Variants in SNAPC2 observed in about 807,000 individuals in gnomAD.
The protein encoded by SNAPC2 is snRNA-activating protein complex subunit 2.
In SNAPC2, 27 loss-of-function variants were observed where a neutral mutation model predicts 22.9. That is an observed-to-expected ratio of 1.18 (90% confidence interval 0.87 to 1.63). The LOEUF (loss-of-function observed/expected upper bound fraction) is 1.63. Among genes scored for constraint, SNAPC2 ranks in the 40% most tolerant of loss-of-function variants. The pLI is 0.00. For synonymous variants in SNAPC2, 272 were observed against 201.0 expected (o/e 1.35, Z -2.99); for missense variants, 570 against 449.1 (o/e 1.27, Z -2.43).
rs536621421 is a variant in SNAPC2, at chr19:7,922,633, AC to A, written c.881del (p.Pro294GlnfsTer11). 140 of 1,595,880 alleles carry A rather than the reference AC, an allele frequency of 8.8e-5. No individual in the cohort carries two copies. Among genetic ancestry groups the A allele is most frequent in the Non-Finnish European group, 1.1e-4 (132 of 1,172,298 alleles). ...GGCTGGCTCCAAGGCACCAGAGGAG[AC>A]CCCCCCAGCCACCGAGAAGGCCGAG... is the stretch of plus-strand genomic sequence containing the variant. The part of the protein sequence containing the change: ...DGAGSKAPEE[T>X]PPATEKAEHS... On this transcript the variant is annotated frameshift_variant, in exon 5 of 5. Coordinates refer to ENST00000221573, the MANE Select transcript of SNAPC2 (RefSeq NM_003083.4). LOFTEE classifies it low-confidence loss of function (END_TRUNC).
In SNAPC2 at chr19:7,923,123, A is replaced by AG; in HGVS notation, c.*359_*360insG. On this transcript the variant is annotated 3_prime_UTR_variant, in exon 5 of 5. Transcript: ENST00000221573. Reference sequence around the variant, plus strand: ...CCTCGCACATTTTCCCCCTTCCTGTACACCTCGGGGCCAGCATCCTCACCT... The same window carrying AG: ...CCTCGCACATTTTCCCCCTTCCTGTAGCACCTCGGGGCCAGCATCCTCACCT... The AG allele has an allele frequency of 4.1e-6, 1 of 241,464 alleles. No homozygotes were observed. The allele number at this position is 241,464 out of a possible 1,614,324, so 15.0% of individuals were successfully genotyped here.
At position 7,921,435 on chromosome 19, in the gene SNAPC2, C is replaced by T. The variant is rs914077729; in HGVS notation, c.196C>T (p.Leu66Phe). 1 of 1,613,852 alleles carries T rather than the reference C, an allele frequency of 6.2e-7. No individual in the cohort carries two copies. Among genetic ancestry groups the T allele is most frequent in the Non-Finnish European group, 8.5e-7 (1 of 1,179,826 alleles). Residue 66 changes from leucine (L) to phenylalanine (F), a missense_variant, in exon 2 of 5, where the codon CTC becomes TTC. Physicochemically the swap from Leu to Phe is conservative, Grantham distance 22. Coordinates refer to ENST00000221573, the MANE Select transcript of SNAPC2 (RefSeq NM_003083.4). ...CTTTCCTTTCTAGATCCGGGTCTTC[C>T]TCCAGCAGCTCAAGGGCCGCGTAGC... ...GRSEAEIRVFLQQLKGRVARE... is the reference protein window; with the variant it reads ...GRSEAEIRVFFQQLKGRVARE...
Position 7,920,565 on chromosome 19 carries a change from C to T in SNAPC2, c.183+16C>T. On this transcript the variant is annotated intron_variant, in intron 1 of 4. Transcript: ENST00000221573. ...CGAGGCTGAGGTGAGATGCGGTTCT[C>T]GGGACCGGAGCCAGGCTGGAGGCGG... 5.5e-6 allele frequency: 5 copies of T among 912,636 alleles called. No individual in the cohort carries two copies. The highest frequency in any genetic ancestry group is 1.9e-5 in the South Asian group (1 of 53,848). 56.5% of individuals were successfully genotyped at this position (912,636 alleles called of 1,614,324 possible). A position where few individuals can be genotyped will look rare whatever the true frequency, so the allele number is the denominator to read the frequency against.
At chr19:7,922,393 C>T in intron 4 of SNAPC2, 46 bp downstream of exon 4, 3 of 1,593,060 alleles carry the variant, frequency 1.9e-6, no homozygotes, top group Non-Finnish European at 2.6e-6. Flanking sequence ...ATCAAGGGTC[C>T]CTGGCAGCAG....
At chr19:7,921,611 A>T in intron 2 of SNAPC2, 69 bp downstream of exon 2, 1 of 1,603,924 alleles carries the variant, frequency 6.2e-7, no homozygotes, top group South Asian at 1.1e-5. Context: ...GTTGCGGGGG[A>T]TAACCTGATT....
Position 7,920,366 on chromosome 19 carries a change from C to T in SNAPC2, c.-1C>T, listed in dbSNP as rs756216790. 8 of 1,573,484 alleles carry T rather than the reference C, an allele frequency of 5.1e-6. No individual in the cohort carries two copies. In the Admixed American group the frequency reaches 1.0e-4, roughly 21 times the overall value. On this transcript the variant is annotated 5_prime_UTR_variant, in exon 1 of 5. Transcript: ENST00000221573. The stretch of plus-strand genomic sequence containing the variant: ...ACAGCGCCTGCCTCTTTCTGAGCGG[C>T]ATGAAGCCACCTCCCAGGCGGCGAG...
chr19:7,921,851 C>T (rs1384830481), intron 3 of SNAPC2, 78 bp downstream of exon 3: 21 of 1,516,554 alleles, frequency 1.4e-5, no homozygotes, highest in South Asian at 2.3e-5. Context: ...AACCTGGGTC[C>T]TGGGCCCTTT....
intron 1 of SNAPC2, chr19:7,921,004 C>T (rs1239805979): frequency 1.8e-6 from 2 of 1,131,636 alleles, no homozygotes; most frequent in Admixed American, 4.7e-5. Flanking sequence ...CGGGGCGAGC[C>T]TCGGGGTAAT....
rs1176024079 is a variant in SNAPC2 at position 7,922,054 on chromosome 19, C to T, written c.392C>T (p.Thr131Met). The change falls in exon 4 of 5, where the codon ACG (threonine) becomes ATG (methionine). Residue 131 changes from threonine to methionine, a missense_variant. By Grantham distance (81) the Thr-to-Met change is moderately conservative. Transcript: ENST00000221573. ...AFSQVLTIAA[T>M]EPVTLLHSKP... ...TGCCAGGTGCTCACCATCGCGGCCA[C>T]GGAACCGGTCACCCTCCTGCACTCC... 1.1e-5 allele frequency: 18 copies of T among 1,609,104 alleles called. No individual in the cohort carries two copies. Among genetic ancestry groups the T allele is most frequent in the Non-Finnish European group, 1.5e-5 (18 of 1,176,714 alleles).
intron 1 of SNAPC2, 22 bp downstream of exon 1, chr19:7,920,571 C>T (rs1350877182): frequency 1.5e-5 from 11 of 756,566 alleles, no homozygotes; most frequent in African/African-American, 2.2e-5. Context: ...TTCTCGGGAC[C>T]GGAGCCAGGC....
rs944456466 is a variant in SNAPC2, at chr19:7,921,773, G to C, written c.372G>C (p.Gln124His). 5 of 1,612,240 alleles carry C rather than the reference G, an allele frequency of 3.1e-6. No individual in the cohort carries two copies. In the Admixed American group the frequency reaches 6.7e-5, roughly 22 times the overall value. ...LEEALAVAFS[Q>H]VLTIAATEPV... ...AAGCCCTGGCAGTGGCTTTCTCGCA[G>C]GTACCGCCATTCCCCCAGGCAGGTC... is the stretch of plus-strand genomic sequence containing the variant. Residue 124 changes from glutamine (Q) to histidine (H), a missense_variant and splice_region_variant, in exon 3 of 5, where the codon CAG becomes CAC. Gln to His is a conservative substitution (Grantham distance 24, BLOSUM62 0). Coordinates refer to ENST00000221573, the MANE Select transcript of SNAPC2 (RefSeq NM_003083.4).
rs1346484865 is a variant in SNAPC2, at chr19:7,922,740, T to A, written c.981T>A (p.Gly327=). The change falls in exon 5 of 5, where the codon GGT becomes GGA. Residue 327 remains glycine, a synonymous_variant. Coordinates refer to ENST00000221573, the MANE Select transcript of SNAPC2 (RefSeq NM_003083.4). ...NPFLVPLELL[G]RAATPAR ...TCCTGGTGCCCCTGGAGCTTCTGGGTCGGGCAGCCACCCCTGCCAGGTGAG... is the reference window on the plus strand; with the variant it reads ...TCCTGGTGCCCCTGGAGCTTCTGGGACGGGCAGCCACCCCTGCCAGGTGAG... The A allele has an allele frequency of 6.3e-7, 1 of 1,592,896 alleles. No individual in the cohort carries two copies. Among genetic ancestry groups the A allele is most frequent in the Non-Finnish European group, 8.6e-7 (1 of 1,165,272 alleles).
At chr19:7,921,366 C>T (rs1599640256) in intron 1 of SNAPC2, 57 bp from the exon 2 acceptor site, 2 of 1,612,434 alleles carry the variant, frequency 1.2e-6, no homozygotes, top group East Asian at 2.2e-5. Context: ...GCTTTGGCTT[C>T]TCTGCTGCAG....
intron 2 of SNAPC2, 24 bp from the exon 3 acceptor site, chr19:7,921,681 C>T (rs545072302): frequency 1.2e-6 from 2 of 1,612,808 alleles, no homozygotes; most frequent in South Asian, 2.2e-5. Context: ...CCTGGGCTGA[C>T]CCTGTACCTC....
rs1983640632 is a variant in SNAPC2, at chr19:7,922,910, C to G, written c.*146C>G. ...CTGTGGGGCGGGCCTCTAAGATGCC[C>G]CATACTTTGGGGGTCTCAGAAATGG... On this transcript the variant is annotated 3_prime_UTR_variant, in exon 5 of 5. Coordinates refer to ENST00000221573, the MANE Select transcript of SNAPC2 (RefSeq NM_003083.4). 1.5e-5 allele frequency: 10 copies of G among 657,330 alleles called. No individual in the cohort carries two copies. The highest frequency in any genetic ancestry group is 4.3e-4 in the Middle Eastern group (1 of 2,352). 40.7% of individuals were successfully genotyped at this position (657,330 alleles called of 1,614,324 possible).
Position 7,920,341 on chromosome 19 carries a change from A to G in SNAPC2, c.-26A>G, listed in dbSNP as rs749660776. The G allele has an allele frequency of 6.5e-7, 1 of 1,543,158 alleles. No individual in the cohort carries two copies. Among genetic ancestry groups the G allele is most frequent in the Non-Finnish European group, 8.7e-7 (1 of 1,153,640 alleles). On this transcript the variant is annotated 5_prime_UTR_variant, in exon 1 of 5. Transcript: ENST00000221573. ...CTCCGCCCATCGGAGAAGCGACCTT[A>G]CAGCGCCTGCCTCTTTCTGAGCGGC...
Position 7,921,770 on chromosome 19 carries a change from G to C in SNAPC2, c.369G>C (p.Ser123=). Residue 123 remains serine (S), a synonymous_variant, in exon 3 of 5, where the codon TCG becomes TCC. Transcript: ENST00000221573. ...PLEEALAVAF[S]QVLTIAATEP... is the part of the protein sequence containing the mutation. ...AAGAAGCCCTGGCAGTGGCTTTCTC[G>C]CAGGTACCGCCATTCCCCCAGGCAG... The C allele has an allele frequency of 6.2e-7, 1 of 1,612,360 alleles. No homozygotes were observed. Among genetic ancestry groups the C allele is most frequent in the Admixed American group, 1.7e-5 (1 of 59,830 alleles).
Position 7,922,555 on chromosome 19 carries a change from C to G in SNAPC2, c.796C>G (p.Pro266Ala). ...MTETYLRLTA[P>A]QPIPAGGSLG... Reference sequence around the variant, plus strand: ...GGAGACGTACCTACGCCTGACAGCCCCCCAGCCCATTCCCGCTGGAGGGAG... The same window carrying G: ...GGAGACGTACCTACGCCTGACAGCCGCCCAGCCCATTCCCGCTGGAGGGAG... The change falls in exon 5 of 5, where the codon CCC becomes GCC. Residue 266 changes from proline to alanine, a missense_variant. Pro to Ala is a conservative substitution (Grantham distance 27). Coordinates refer to ENST00000221573, the MANE Select transcript of SNAPC2 (RefSeq NM_003083.4). 1 of 1,613,484 alleles carries G rather than the reference C, an allele frequency of 6.2e-7. No homozygotes were observed. Among genetic ancestry groups the G allele is most frequent in the African/African-American group, 1.3e-5 (1 of 75,040 alleles).
intron 1 of SNAPC2, 155 bp from the exon 2 acceptor site, chr19:7,921,268 G>A: frequency 6.9e-7 from 1 of 1,440,946 alleles, no homozygotes; most frequent in Non-Finnish European, 9.3e-7. Flanking sequence ...GGGTGGGGTA[G>A]GGGCCTTGGC....
Sources: gnomAD v4.1 joint callset for allele counts on GRCh38, gnomAD v4.1.1 for gene constraint, MANE v1.5 for transcripts, NCBI Gene and HGNC (gene_info 2026-07-23, HGNC 2026-07-21) for gene names.